Variants in SIPA1L1 observed in about 807,000 individuals in gnomAD.
The protein encoded by SIPA1L1 is signal induced proliferation associated 1 like 1.
A neutral mutation model predicts 162.7 loss-of-function variants in SIPA1L1; 26 were observed. That is an observed-to-expected ratio of 0.16 (90% CI 0.12 to 0.22). SIPA1L1 has a LOEUF of 0.22. SIPA1L1 is among the 10% of genes least tolerant of loss of function. The pLI is 1.00. For synonymous variants in SIPA1L1, 829 were observed against 837.4 expected (o/e 0.99, Z 0.17); for missense variants, 1,874 against 2,241.0 (o/e 0.84, Z 3.31).
chr14:71,399,168 C>G (rs1355051554), intron 2 of SIPA1L1, among the ~76,000 whole-genome samples: 2 of 152,164 alleles, frequency 1.3e-5, no homozygotes, highest in Non-Finnish European at 2.9e-5. Context: ...TATTCAAGTC[C>G]TGTTTCAGCT....
chr14:71,519,509 C>CA (rs2052082153), intron 3 of SIPA1L1, among the ~76,000 whole-genome samples: 1 of 151,782 alleles, frequency 6.6e-6, no homozygotes, highest in African/African-American at 2.4e-5. Context: ...GAAATGAGAC[C>CA]AAAACATGTA....
At chr14:71,670,122 C>T (rs1402595046) in intron 10 of SIPA1L1, among the ~76,000 whole-genome samples, 1 of 152,098 alleles carries the variant, frequency 6.6e-6, no homozygotes, top group Non-Finnish European at 1.5e-5. Context: ...GAGCGATCTT[C>T]GATGTGTTAG....
chr14:71,502,725 A>G (rs2050362745), intron 2 of SIPA1L1, among the ~76,000 whole-genome samples: 1 of 152,094 alleles, frequency 6.6e-6, no homozygotes, highest in African/African-American at 2.4e-5. Context: ...ATTAGTGCAA[A>G]TGTAGTTATG....
intron 5 of SIPA1L1, among the ~76,000 whole-genome samples, chr14:71,590,039 AAAAAAATAT>A (rs1330766661): frequency 2.7e-4 from 20 of 74,308 alleles, no homozygotes; most frequent in Middle Eastern, 5.9e-3. Context: ...AAAAAAAAAA[AAAAAAATAT>A]ATATATATAT....
chr14:71,495,914 G>A (rs113786547), intron 2 of SIPA1L1, among the ~76,000 whole-genome samples: 6,416 of 76,454 alleles, frequency 0.084, 98 homozygotes, highest in Middle Eastern at 0.16. Context: ...AAAAAAAAAA[G>A]AAGAAGAAAG....
At chr14:71,594,314 A>G (rs781404225) in intron 5 of SIPA1L1, among the ~76,000 whole-genome samples, 6 of 152,230 alleles carry the variant, frequency 3.9e-5, no homozygotes, top group Non-Finnish European at 7.3e-5. Flanking sequence ...AATAAGCATC[A>G]TTAAATAGCT....
intron 5 of SIPA1L1, among the ~76,000 whole-genome samples, chr14:71,603,746 C>T (rs1252246251): frequency 1.3e-5 from 2 of 151,618 alleles, no homozygotes; most frequent in Non-Finnish European, 2.9e-5. Flanking sequence ...GATGGTGAGA[C>T]CCCATCTCTG....
At chr14:71,651,843 C>T (rs2042645183) in intron 8 of SIPA1L1, among the ~76,000 whole-genome samples, 1 of 152,190 alleles carries the variant, frequency 6.6e-6, no homozygotes, top group Non-Finnish European at 1.5e-5. Flanking sequence ...CAGTGGAATA[C>T]ACAAAATAAG....
At chr14:71,466,595 A>C (rs1307538226) in intron 2 of SIPA1L1, among the ~76,000 whole-genome samples, 1 of 152,104 alleles carries the variant, frequency 6.6e-6, no homozygotes, top group African/African-American at 2.4e-5. Flanking sequence ...AAAAAAAAAA[A>C]ACAGTAATAA....
intron 8 of SIPA1L1, among the ~76,000 whole-genome samples, chr14:71,654,072 A>G (rs947321683): frequency 1.3e-5 from 2 of 152,204 alleles, no homozygotes; most frequent in African/African-American, 4.8e-5. Flanking sequence ...CATTATCATC[A>G]TATTCATTTC....
At chr14:71,453,326 C>T (rs548127940) in intron 2 of SIPA1L1, among the ~76,000 whole-genome samples, 4 of 152,204 alleles carry the variant, frequency 2.6e-5, no homozygotes, top group East Asian at 1.9e-4. Flanking sequence ...TGCAGTGGCA[C>T]GATCTCAGCT....
chr14:71,632,917 G>GT (rs1245695726), intron 7 of SIPA1L1, among the ~76,000 whole-genome samples: 16 of 152,140 alleles, frequency 1.1e-4, no homozygotes, highest in African/African-American at 3.9e-4. Flanking sequence ...CCAGAGTCTC[G>GT]TAAGTTAATA....
intron 5 of SIPA1L1, among the ~76,000 whole-genome samples, chr14:71,590,032 AAAAAAAAAAAAAATATATAT>A (rs1416481452): frequency 9.3e-5 from 6 of 64,492 alleles, no homozygotes; most frequent in East Asian, 9.5e-4. Flanking sequence ...AAAAAAAAAA[AAAAAAAAAAAAAATATATAT>A]ATATATATAT....
In SIPA1L1 at chr14:71,377,164, C is replaced by T. The variant is rs115328918; in HGVS notation, c.-465+55983C>T. 0.021 allele frequency among the ~76,000 whole-genome samples: 3,176 copies of T among 149,110 alleles called. 113 individuals carry two copies. The highest frequency in any genetic ancestry group is 0.074 in the African/African-American group (2,996 of 40,582). ...TGGGGCGGCCAGGCAGAGGCAGCCCCCACCTCCCAGATGGGGCGGCGGCCG... is the reference window on the plus strand; with the variant it reads ...TGGGGCGGCCAGGCAGAGGCAGCCCTCACCTCCCAGATGGGGCGGCGGCCG... On this transcript the variant is annotated intron_variant, in intron 2 of 23. Transcript: ENST00000381232. This position sits in a 1 kb window ranked among gnomAD's most constrained non-coding sequence, Gnocchi z 4.8.
chr14:71,598,349 T>C (rs1390978713), intron 5 of SIPA1L1: 3 of 386,242 alleles, frequency 7.8e-6, no homozygotes, highest in Non-Finnish European at 1.1e-5. Context: ...CCTTAAGACA[T>C]TCGTAAACTA....
intron 1 of SIPA1L1, among the ~76,000 whole-genome samples, chr14:71,320,851 G>C (rs542307201): frequency 3.5e-4 from 54 of 152,140 alleles, no homozygotes; most frequent in African/African-American, 1.2e-3. Context: ...CGGGGGCCCG[G>C]GCGCCTAGAC....
chr14:71,729,692 G>A (rs961423774), intron 19 of SIPA1L1, among the ~76,000 whole-genome samples: 1 of 152,154 alleles, frequency 6.6e-6, no homozygotes, highest in Non-Finnish European at 1.5e-5. Flanking sequence ...TACAAATGAG[G>A]AATTAGACTC....
Position 71,740,794 on chromosome 14 carries a change from C to G in SIPA1L1, c.*1633C>G, listed in dbSNP as rs2085694663. 1 of 152,104 alleles carries G rather than the reference C, an allele frequency of 6.6e-6. No homozygotes were observed. The highest frequency in any genetic ancestry group is 6.5e-5 in the Admixed American group (1 of 15,270). The allele number at this position is 152,104 out of a possible 1,614,324, so 9.4% of individuals were successfully genotyped here. A position where few individuals can be genotyped will look rare whatever the true frequency, so the allele number is the denominator to read the frequency against. On this transcript the variant is annotated 3_prime_UTR_variant, in exon 24 of 24. Coordinates refer to ENST00000381232, the MANE Select transcript of SIPA1L1 (RefSeq NM_001386936.1). ...AGATTTCAATTGTCTGTCTCTTTCTCTCTTTGACTTGTATGAAGGAGATTG... is the reference window on the plus strand; with the variant it reads ...AGATTTCAATTGTCTGTCTCTTTCTGTCTTTGACTTGTATGAAGGAGATTG...
At chr14:71,430,570 A>C (rs2043911528) in intron 2 of SIPA1L1, among the ~76,000 whole-genome samples, 1 of 152,206 alleles carries the variant, frequency 6.6e-6, no homozygotes, top group Non-Finnish European at 1.5e-5. Flanking sequence ...GCCTCATAGG[A>C]AACAAGCTGC....
Sources: gnomAD v4.1 joint callset for allele counts (sites outside exome capture counted in the v4.1 genomes callset) on GRCh38, gnomAD v4.1.1 for gene constraint, Gnocchi (gnomAD v3.1) non-coding constraint, MANE v1.5 for transcripts, NCBI Gene and HGNC (gene_info 2026-07-23, HGNC 2026-07-21) for gene names.